FOXP2: variants seen among roughly 807,000 people sequenced by gnomAD.
The protein encoded by FOXP2 is forkhead box P2, also known as forkhead box protein P2.
A neutral mutation model predicts 115.8 loss-of-function variants in FOXP2; 12 were observed. The ratio of observed to expected loss-of-function variants is 0.10; its 90% CI spans 0.07 to 0.17. FOXP2 has a LOEUF of 0.17. Among genes scored for constraint, FOXP2 ranks in the 10% least tolerant of loss-of-function variants. The pLI, the probability that FOXP2 is intolerant of heterozygous loss-of-function variation, is 1.00. For missense variants in FOXP2, 629 were observed against 843.5 expected (o/e 0.75, Z 3.15); for synonymous variants, 328 against 297.7 (o/e 1.10, Z -1.05).
chr7:114,591,566 G>A (rs1290335452), intron 3 of FOXP2, among the ~76,000 whole-genome samples: 1 of 151,838 alleles, frequency 6.6e-6, no homozygotes, highest in Non-Finnish European at 1.5e-5. Flanking sequence ...CTGACTACCA[G>A]AGATCTCAGA....
At chr7:114,378,619 G>A (rs952580089) in intron 2 of FOXP2, among the ~76,000 whole-genome samples, 2 of 135,320 alleles carry the variant, frequency 1.5e-5, no homozygotes, top group Admixed American at 1.7e-4. Flanking sequence ...AAGAGTTTAA[G>A]GCTGCAGTGA....
intron 2 of FOXP2, among the ~76,000 whole-genome samples, chr7:114,373,838 T>G (rs1262210499): frequency 6.6e-6 from 1 of 152,218 alleles, no homozygotes; most frequent in African/African-American, 2.4e-5. Flanking sequence ...TTGAGAAAAC[T>G]GAAGTTTAGA....
intron 2 of FOXP2, among the ~76,000 whole-genome samples, chr7:114,347,352 A>T (rs139723441): frequency 8.0e-4 from 122 of 152,112 alleles, no homozygotes; most frequent in Middle Eastern, 3.4e-3. Flanking sequence ...ATACACACGC[A>T]TATACGTATA....
intron 1 of FOXP2, among the ~76,000 whole-genome samples, chr7:114,169,835 A>C (rs1183844644): frequency 6.6e-6 from 1 of 152,152 alleles, no homozygotes; most frequent in Non-Finnish European, 1.5e-5. Context: ...TGTTGTTCTC[A>C]TGATAGTGAA....
chr7:114,499,903 G>C (rs1047937135), intron 2 of FOXP2, among the ~76,000 whole-genome samples: 2 of 152,070 alleles, frequency 1.3e-5, no homozygotes, highest in African/African-American at 2.4e-5. Flanking sequence ...ATAGTTTTGG[G>C]TTAATAAAAT....
intron 3 of FOXP2, among the ~76,000 whole-genome samples, chr7:114,608,446 C>G (rs1329397962): frequency 6.6e-6 from 1 of 152,148 alleles, no homozygotes; most frequent in African/African-American, 2.4e-5. Flanking sequence ...TCAAGGCCAG[C>G]AGAAGAAGGA....
intron 2 of FOXP2, among the ~76,000 whole-genome samples, chr7:114,288,529 T>C (rs1796517167): frequency 6.6e-6 from 1 of 151,826 alleles, no homozygotes; most frequent in South Asian, 2.1e-4. Flanking sequence ...ATCTGAAATA[T>C]TGAGGAAATA....
chr7:114,679,317 A>AT (rs1406393308), intron 16 of FOXP2, among the ~76,000 whole-genome samples: 2 of 152,200 alleles, frequency 1.3e-5, no homozygotes, highest in Non-Finnish European at 2.9e-5. Context: ...TCCACAATCT[A>AT]TAAATTCTTC....
At chr7:114,162,608 G>A (rs1792871824), upstream of FOXP2, among the ~76,000 whole-genome samples, 1 of 151,200 alleles carries the variant, frequency 6.6e-6, no homozygotes, top group South Asian at 2.1e-4. Flanking sequence ...GTCTTTGCCA[G>A]TCCATTCAAA....
At chr7:114,531,183 T>C (rs1027541282) in intron 2 of FOXP2, among the ~76,000 whole-genome samples, 1 of 151,838 alleles carries the variant, frequency 6.6e-6, no homozygotes, top group Admixed American at 6.6e-5. Context: ...AAACAACTTT[T>C]GCTTTTGTTC....
At chr7:114,171,251 A>C (rs1473069967) in intron 1 of FOXP2, among the ~76,000 whole-genome samples, 1 of 152,142 alleles carries the variant, frequency 6.6e-6, no homozygotes, top group African/African-American at 2.4e-5. Flanking sequence ...TCAGGAAAAA[A>C]GTTTCTTTCA....
chr7:114,445,792 A>G (rs992887038), intron 2 of FOXP2, among the ~76,000 whole-genome samples: 3 of 152,148 alleles, frequency 2.0e-5, no homozygotes, highest in Admixed American at 1.3e-4. Context: ...GTATTGATGT[A>G]TATAGTAATT....
intron 3 of FOXP2, among the ~76,000 whole-genome samples, chr7:114,559,887 TTA>T (rs1491507874): frequency 7.6e-5 from 11 of 144,332 alleles, no homozygotes; most frequent in African/African-American, 2.9e-4. Flanking sequence ...AGATTCCATC[TTA>T]AAAAAAAAAA....
chr7:114,121,750 TG>T (rs34699692), intron 1 of FOXP2, among the ~76,000 whole-genome samples: 1 of 152,084 alleles, frequency 6.6e-6, no homozygotes, highest in South Asian at 2.1e-4. Context: ...TAAGGAGATA[TG>T]GGGAGGTTAA....
At chr7:114,624,088 G>A (rs1157522272) in intron 3 of FOXP2, among the ~76,000 whole-genome samples, 1 of 151,798 alleles carries the variant, frequency 6.6e-6, no homozygotes, top group African/African-American at 2.4e-5. Flanking sequence ...ACCAAAGCTG[G>A]CATTCCAATG....
intron 2 of FOXP2, among the ~76,000 whole-genome samples, chr7:114,495,041 A>G (rs897215434): frequency 6.6e-6 from 1 of 152,202 alleles, no homozygotes; most frequent in African/African-American, 2.4e-5. Flanking sequence ...CATTACACAC[A>G]CAATCAGTTA....
intron 3 of FOXP2, among the ~76,000 whole-genome samples, chr7:114,590,919 G>C (rs1372993244): frequency 6.6e-6 from 1 of 151,900 alleles, no homozygotes; most frequent in East Asian, 1.9e-4. Context: ...ACTTTTTCTG[G>C]GGAAGGCAGA....
chr7:114,546,362 T>A (rs1414051996), intron 3 of FOXP2, among the ~76,000 whole-genome samples: 1 of 152,256 alleles, frequency 6.6e-6, no homozygotes, highest in Non-Finnish European at 1.5e-5. Flanking sequence ...AAAAGGCTTT[T>A]CGTAGACTGG....
intron 2 of FOXP2, among the ~76,000 whole-genome samples, chr7:114,482,053 C>T (rs1476673969): frequency 6.6e-6 from 1 of 151,252 alleles, no homozygotes; most frequent in Non-Finnish European, 1.5e-5. Flanking sequence ...TTGGCAGGGT[C>T]CCAGAACTAC....
Sources: gnomAD v4.1 joint callset for allele counts (sites outside exome capture counted in the v4.1 genomes callset) on GRCh38, gnomAD v4.1.1 for gene constraint, MANE v1.5 for transcripts, NCBI Gene and HGNC (gene_info 2026-07-23, HGNC 2026-07-21) for gene names.